The following DROSHA variants were observed in gnomAD, a reference collection of about 807,000 sequenced individuals.
DROSHA encodes drosha ribonuclease III, also known as ribonuclease 3.
Under a neutral mutation model 181.9 loss-of-function variants are expected in DROSHA, and 56 were observed. The observed-to-expected ratio is 0.31, with a 90% CI of 0.25 to 0.38. The LOEUF is 0.38. Among genes scored for constraint, DROSHA ranks in the 10% least tolerant of loss-of-function variants. DROSHA has a pLI of 1.00. For synonymous variants in DROSHA, 524 were observed against 591.2 expected (o/e 0.89, Z 1.65); for missense variants, 1,218 against 1,743.5 (o/e 0.70, Z 5.37).
At chr5:31,457,715 C>T (rs1434620474) in intron 20 of DROSHA, among the ~76,000 whole-genome samples, 1 of 152,004 alleles carries the variant, frequency 6.6e-6, no homozygotes, top group African/African-American at 2.4e-5. Context: ...CAAAACTAGA[C>T]CCCATCTCTA....
rs72550752 is a variant in DROSHA, at chr5:31,479,543, G to A, written c.2071+4011C>T. On this transcript the variant is annotated intron_variant, in intron 16 of 35. Transcript: ENST00000344624. ...TGAGTATCTTGACTTTAGGGTAGGC[G>A]AAAATTTCATAAATATGATACAAAA... Among the ~76,000 whole-genome samples the A allele has an allele frequency of 4.8e-3, 729 of 152,096 alleles. 5 individuals carry two copies. The highest frequency in any genetic ancestry group is 0.017 in the African/African-American group (694 of 41,470).
chr5:31,465,409 T>C (rs756392825), intron 19 of DROSHA, among the ~76,000 whole-genome samples: 1 of 152,152 alleles, frequency 6.6e-6, no homozygotes, highest in Non-Finnish European at 1.5e-5. Flanking sequence ...TGGAAGACAA[T>C]CTTTTCCAAC....
rs555535350 is a variant in DROSHA at position 31,497,747 on chromosome 5, C to T, written c.1669-2375G>A. On this transcript the variant is annotated intron_variant, in intron 11 of 35. Coordinates refer to ENST00000344624, the MANE Select transcript of DROSHA (RefSeq NM_001382508.1). ...AAATCCCATCACCATCCCCAGCTGT[C>T]GTGTTGGTGGCTGGGGTGTTTTGAG... Among the ~76,000 whole-genome samples the T allele has an allele frequency of 3.4e-4, 52 of 152,346 alleles. 1 individual carries two copies. The highest frequency in any genetic ancestry group is 1.1e-3 in the African/African-American group (46 of 41,582).
rs1201986317 is a variant in DROSHA, at chr5:31,526,560, G to A, written c.373C>T (p.Pro125Ser). 2 of 1,536,562 alleles carry A rather than the reference G, an allele frequency of 1.3e-6. No individual in the cohort carries two copies. Among genetic ancestry groups the A allele is most frequent in the Non-Finnish European group, 1.7e-6 (2 of 1,143,388 alleles). Residue 125 changes from proline to serine, a missense_variant, in exon 5 of 36, where the codon CCT (proline) becomes TCT (serine). Coordinates refer to ENST00000344624, the MANE Select transcript of DROSHA (RefSeq NM_001382508.1). ...GGGACTGGGGGGTTATTAGGACAAG[G>A]CATTGGTGGTGGCATGGGAGGAAAA... ...PCFPPMPPPM[P>S]CPNNPPVPGA...
intron 26 of DROSHA, 104 bp downstream of exon 26, chr5:31,431,472 G>A: frequency 9.0e-7 from 1 of 1,111,820 alleles, no homozygotes; most frequent in African/African-American, 1.6e-5. Context: ...CATGTGCTTT[G>A]GGAACAAGTA....
At chr5:31,460,651 C>G (rs574323149) in intron 20 of DROSHA, among the ~76,000 whole-genome samples, 15 of 152,034 alleles carry the variant, frequency 9.9e-5, no homozygotes, top group Non-Finnish European at 1.8e-4. Flanking sequence ...AAATTATGAG[C>G]CTATCTGTTC....
chr5:31,451,361 A>C (rs1465677963), intron 21 of DROSHA, among the ~76,000 whole-genome samples, 172 bp downstream of exon 21: 1 of 152,212 alleles, frequency 6.6e-6, no homozygotes, highest in East Asian at 1.9e-4. Context: ...TAAATGTAAG[A>C]GAATGGGCTG....
chr5:31,436,939 C>T (rs968690658), intron 24 of DROSHA, among the ~76,000 whole-genome samples: 2 of 152,238 alleles, frequency 1.3e-5, no homozygotes, highest in East Asian at 3.9e-4. Flanking sequence ...TGAACATAAG[C>T]TCTGAAGCAT....
chr5:31,476,147 C>T (rs1580224916), intron 16 of DROSHA, among the ~76,000 whole-genome samples: 1 of 152,130 alleles, frequency 6.6e-6, no homozygotes, highest in Non-Finnish European at 1.5e-5. Context: ...GGTGGATCAC[C>T]TGAGGTCAGG....
At chr5:31,451,190 G>A (rs747174559) in intron 21 of DROSHA, among the ~76,000 whole-genome samples, 62 of 151,744 alleles carry the variant, frequency 4.1e-4, no homozygotes, top group Non-Finnish European at 5.9e-4. Flanking sequence ...AAACAAGAGC[G>A]AAACTCTGTA....
intron 8 of DROSHA, among the ~76,000 whole-genome samples, chr5:31,513,587 A>C (rs963052142): frequency 1.3e-5 from 2 of 152,234 alleles, no homozygotes; most frequent in African/African-American, 4.8e-5. Flanking sequence ...TTTATCAAAT[A>C]AAATATCACA....
At chr5:31,516,950 C>T (rs1373613564) in intron 6 of DROSHA, among the ~76,000 whole-genome samples, 1 of 152,150 alleles carries the variant, frequency 6.6e-6, no homozygotes, top group Admixed American at 6.6e-5. Flanking sequence ...TTCCCAAATG[C>T]ATACTTTTTA....
At position 31,409,400 on chromosome 5, in the gene DROSHA, T is replaced by G. The variant is rs1741030198; in HGVS notation, c.3668-68A>C. 5 of 1,476,812 alleles carry G rather than the reference T, an allele frequency of 3.4e-6. No homozygotes were observed. The highest frequency in any genetic ancestry group is 9.1e-7 in the Non-Finnish European group (1 of 1,097,094). 91.5% of individuals were successfully genotyped at this position (1,476,812 alleles called of 1,614,324 possible). A position where few individuals can be genotyped will look rare whatever the true frequency, so the allele number is the denominator to read the frequency against. On this transcript the variant is annotated intron_variant, in intron 31 of 35. Transcript: ENST00000344624. The surrounding 1 kb of genome is among the most constrained non-coding windows in gnomAD (Gnocchi z 4.0). ...CATCTATCAGAAAGAGTAAGAGACCTAGACCTTTAAGCAAAATTTTAGTAA... is the reference window on the plus strand; with the variant it reads ...CATCTATCAGAAAGAGTAAGAGACCGAGACCTTTAAGCAAAATTTTAGTAA...
chr5:31,471,368 T>C (rs1749699588), intron 17 of DROSHA, among the ~76,000 whole-genome samples: 1 of 152,144 alleles, frequency 6.6e-6, no homozygotes, highest in Admixed American at 6.5e-5. Context: ...AACTATTTTA[T>C]GAAACAGTAA....
In DROSHA at chr5:31,508,790, G is replaced by A. The variant is rs761876629; in HGVS notation, c.1433-15C>T. The A allele has an allele frequency of 1.9e-6, 3 of 1,598,992 alleles. No homozygotes were observed. Among genetic ancestry groups the A allele is most frequent in the African/African-American group, 1.4e-5 (1 of 74,008 alleles). On this transcript the variant is annotated splice_polypyrimidine_tract_variant and intron_variant, in intron 9 of 35. Coordinates refer to ENST00000344624, the MANE Select transcript of DROSHA (RefSeq NM_001382508.1). ...ACTGGAACTCTCTAACAGGGGTTGG[G>A]AGAAAAATACAGAAATTGATGGAAT... is the stretch of plus-strand genomic sequence containing the variant.
chr5:31,454,301 TAGAA>T (rs1747382940), intron 20 of DROSHA, among the ~76,000 whole-genome samples: 1 of 151,954 alleles, frequency 6.6e-6, no homozygotes, highest in African/African-American at 2.4e-5. Flanking sequence ...CCCTGCAAGG[TAGAA>T]GCCCTACAAC....
rs544465355 is a variant in DROSHA, at chr5:31,504,773, C to T, written c.1588-138G>A. ...AGGCTGTCACGGTTAGAAGATTAAACGGATGTTCCAAAACCAATAAAGCTG... is the reference window on the plus strand; with the variant it reads ...AGGCTGTCACGGTTAGAAGATTAAATGGATGTTCCAAAACCAATAAAGCTG... On this transcript the variant is annotated intron_variant, in intron 10 of 35. Transcript: ENST00000344624. 9.4e-4 allele frequency: 783 copies of T among 830,832 alleles called. 2 individuals carry two copies. Among genetic ancestry groups the T allele is most frequent in the Non-Finnish European group, 1.0e-3 (542 of 522,906 alleles). The allele number at this position is 830,832 out of a possible 1,614,324, so 51.5% of individuals were successfully genotyped here.
chr5:31,421,624 G>A, intron 29 of DROSHA: 3 of 414,384 alleles, frequency 7.2e-6, no homozygotes, highest in Non-Finnish European at 8.7e-6. Flanking sequence ...AATAAAGACT[G>A]GTAAACACTG....
chr5:31,464,922 C>T (rs1748833713), intron 19 of DROSHA, among the ~76,000 whole-genome samples: 1 of 152,158 alleles, frequency 6.6e-6, no homozygotes, highest in African/African-American at 2.4e-5. Context: ...ATGCATGCAA[C>T]TGAATCAAAA....
Sources: gnomAD v4.1 joint callset for allele counts (sites outside exome capture counted in the v4.1 genomes callset) on GRCh38, gnomAD v4.1.1 for gene constraint, Gnocchi (gnomAD v3.1) non-coding constraint, MANE v1.5 for transcripts, NCBI Gene and HGNC (gene_info 2026-07-23, HGNC 2026-07-21) for gene names.